HIVEP1: variants seen among roughly 807,000 people sequenced by gnomAD.
The protein encoded by HIVEP1 is zinc finger protein 40.
In HIVEP1, 36 loss-of-function variants were observed where a neutral mutation model predicts 180.0. The ratio of observed to expected loss-of-function variants is 0.20; its 90% CI spans 0.15 to 0.26. HIVEP1 has a LOEUF of 0.26. HIVEP1 is among the 10% of genes least tolerant of loss of function. The probability of loss-of-function intolerance (pLI) is 1.00; values close to 1 mark genes in which losing one functional copy is unlikely to be tolerated. For synonymous variants in HIVEP1, 1,239 were observed against 1,239.0 expected, an observed-to-expected ratio of 1.00 and a Z score of 0.00; for missense variants, 3,143 against 3,268.7, an observed-to-expected ratio of 0.96 and a Z score of 0.94.
the HIVEP1 span, among the ~76,000 whole-genome samples, chr6:12,189,991 G>A: frequency 2.0e-5 from 3 of 152,190 alleles, no homozygotes; most frequent in Admixed American, 1.3e-4. Context: ...GTGTTGTATT[G>A]ATATGTTGCT....
At chr6:12,129,934 C>T in intron 5 of HIVEP1, 42 bp downstream of exon 5, 2 of 1,345,950 alleles carry the variant, frequency 1.5e-6, no homozygotes, top group Non-Finnish European at 2.1e-6. Flanking sequence ...TTTAAACTGA[C>T]TTTTTAAATG....
At chr6:12,017,547 T>G (rs1767886427) in intron 2 of HIVEP1, among the ~76,000 whole-genome samples, 1 of 152,232 alleles carries the variant, frequency 6.6e-6, no homozygotes, top group African/African-American at 2.4e-5. Flanking sequence ...AACTGCTGCC[T>G]CCGGCAGCCT....
intron 2 of HIVEP1, chr6:12,037,968 G>GC (rs1366398687): frequency 2.6e-6 from 1 of 385,100 alleles, no homozygotes. Context: ...TCCTGTGTTG[G>GC]CCCCCCAAAG....
At chr6:12,046,557 G>A (rs1457508793) in intron 2 of HIVEP1, among the ~76,000 whole-genome samples, 2 of 152,208 alleles carry the variant, frequency 1.3e-5, no homozygotes, top group Non-Finnish European at 2.9e-5. Flanking sequence ...GAGGTGGGTG[G>A]ATCACGAGGT....
rs1402292683 is a variant in HIVEP1 at position 12,123,272 on chromosome 6, A to G, written c.3477A>G (p.Pro1159=). The G allele has an allele frequency of 1.2e-6, 2 of 1,614,148 alleles. No individual in the cohort carries two copies. Among genetic ancestry groups the G allele is most frequent in the Non-Finnish European group, 8.5e-7 (1 of 1,180,030 alleles). ...CTGAGCCTTTTGAAAGAGCCTCCCC[A>G]GTTTCTTTCCAGGAGCTGAATAGAA... ...DKPEPFERAS[P]VSFQELNRTG... is the part of the protein sequence containing the mutation. Residue 1159 remains proline (P), a synonymous_variant, in exon 4 of 9, where the codon CCA becomes CCG. Transcript: ENST00000379388.
chr6:12,018,430 T>C (rs1030340375), intron 2 of HIVEP1, among the ~76,000 whole-genome samples: 2 of 152,214 alleles, frequency 1.3e-5, no homozygotes, highest in African/African-American at 4.8e-5. Context: ...GACAGCACGG[T>C]GTCACCTCTC....
intron 4 of HIVEP1, among the ~76,000 whole-genome samples, chr6:12,128,942 G>A (rs1181544953): frequency 6.6e-6 from 1 of 152,184 alleles, no homozygotes; most frequent in Non-Finnish European, 1.5e-5. Context: ...TGGGCATGGT[G>A]GCTCATGCCT....
intron 2 of HIVEP1, among the ~76,000 whole-genome samples, chr6:12,019,195 C>G (rs1424902577): frequency 6.6e-6 from 1 of 152,146 alleles, no homozygotes; most frequent in Non-Finnish European, 1.5e-5. Flanking sequence ...GTAGCTCACT[C>G]AGCAGCGGGG....
intron 2 of HIVEP1, chr6:12,038,995 C>T (rs1344937953): frequency 1.3e-5 from 2 of 152,152 alleles, no homozygotes; most frequent in Admixed American, 1.3e-4. Flanking sequence ...GTAACAGGCA[C>T]ATAGAATGAA....
In HIVEP1 at chr6:12,122,988, G is replaced by A. The variant is rs1406593100; in HGVS notation, c.3193G>A (p.Gly1065Ser). 3.1e-6 allele frequency: 5 copies of A among 1,613,954 alleles called. No homozygotes were observed. In the African/African-American group the frequency reaches 6.7e-5, roughly 22 times the overall value. The change falls in exon 4 of 9, where the codon GGC (glycine) becomes AGC (serine). Residue 1065 changes from glycine to serine, a missense_variant. Physicochemically the swap from Gly to Ser is moderately conservative, Grantham distance 56. Coordinates refer to ENST00000379388, the MANE Select transcript of HIVEP1 (RefSeq NM_002114.4). ...SEGLQFQNAL[G>S]CNPSLPKHNV... is the part of the protein sequence containing the mutation. ...AGGCCTTCAGTTTCAGAATGCTCTG[G>A]GCTGTAATCCCAGTTTGCCTAAACA...
At chr6:12,204,937 G>A in the HIVEP1 span, among the ~76,000 whole-genome samples, 1 of 152,196 alleles carries the variant, frequency 6.6e-6, no homozygotes, top group Admixed American at 6.5e-5. Flanking sequence ...GAGAACTACA[G>A]CAGGTCCTAT....
chr6:12,029,296 G>A (rs1462644916), intron 2 of HIVEP1, among the ~76,000 whole-genome samples: 8 of 152,178 alleles, frequency 5.3e-5, no homozygotes, highest in South Asian at 2.1e-4. Flanking sequence ...GTTCTTTCAC[G>A]TTGAACTTTT....
rs72826063 is a variant in HIVEP1 at position 12,075,191 on chromosome 6, C to G, written c.41-13993C>G. Among the ~76,000 whole-genome samples the G allele has an allele frequency of 1.2e-3, 186 of 152,342 alleles. 2 individuals are homozygous for G. Among genetic ancestry groups the G allele is most frequent in the South Asian group, 9.9e-3 (48 of 4,828 alleles). On this transcript the variant is annotated intron_variant, in intron 2 of 8. Coordinates refer to ENST00000379388, the MANE Select transcript of HIVEP1 (RefSeq NM_002114.4). Reference sequence around the variant, plus strand: ...ATGGAAGTGTACCATGTACATTGCTCTGCTCCTTGGGTTTGGCGTTTTAGA... The same window carrying G: ...ATGGAAGTGTACCATGTACATTGCTGTGCTCCTTGGGTTTGGCGTTTTAGA...
chr6:12,016,162 G>A (rs1232412948), intron 2 of HIVEP1, among the ~76,000 whole-genome samples: 2 of 152,176 alleles, frequency 1.3e-5, no homozygotes, highest in Non-Finnish European at 2.9e-5. Flanking sequence ...GAGGCAAACT[G>A]AGTTATTTTC....
chr6:12,135,668 T>C, intron 6 of HIVEP1, 123 bp from the exon 7 acceptor site: 1 of 624,054 alleles, frequency 1.6e-6, no homozygotes. Context: ...CACATTTTAG[T>C]CATTGGAGTT....
At chr6:12,172,679 A>G in the HIVEP1 span, among the ~76,000 whole-genome samples, 3 of 152,172 alleles carry the variant, frequency 2.0e-5, no homozygotes, top group Admixed American at 1.3e-4. Flanking sequence ...TAATTTTAAC[A>G]TTTACAACAG....
chr6:12,101,361 T>C (rs6916455), intron 3 of HIVEP1, among the ~76,000 whole-genome samples: 9,606 of 152,270 alleles, frequency 0.063, 359 homozygotes, highest in Middle Eastern at 0.15. Context: ...GATAACAGTG[T>C]ATTTTTGAAC....
rs375618029 is a variant in HIVEP1, at chr6:12,069,309, A to G, written c.41-19875A>G. On this transcript the variant is annotated intron_variant, in intron 2 of 8. Transcript: ENST00000379388. The stretch of plus-strand genomic sequence containing the variant: ...AGTATAAAAGATAAAAAATTCATAC[A>G]ACCTGTATAGGACACTTACCATGAA... Among the ~76,000 whole-genome samples the G allele has an allele frequency of 8.5e-5, 13 of 152,248 alleles. 1 individual carries two copies. In the East Asian group the frequency reaches 2.5e-3, roughly 29 times the overall value.
At chr6:12,080,478 A>G (rs940215652) in intron 2 of HIVEP1, among the ~76,000 whole-genome samples, 4 of 152,168 alleles carry the variant, frequency 2.6e-5, no homozygotes, top group Admixed American at 6.5e-5. Flanking sequence ...AAATAATTAG[A>G]TATGTTAAGA....
Sources: gnomAD v4.1 joint callset for allele counts (sites outside exome capture counted in the v4.1 genomes callset) on GRCh38, gnomAD v4.1.1 for gene constraint, MANE v1.5 for transcripts, NCBI Gene and HGNC (gene_info 2026-07-23, HGNC 2026-07-21) for gene names.